The following PPM1H variants were observed in gnomAD, a reference collection of about 807,000 sequenced individuals.
PPM1H encodes protein phosphatase, Mg2+/Mn2+ dependent 1H.
Under a neutral mutation model 54.9 loss-of-function variants are expected in PPM1H, and 27 were observed. That is an observed-to-expected ratio of 0.49 (90% CI 0.36 to 0.68). The LOEUF is 0.68. Ranked by LOEUF, PPM1H falls within the 30% of genes least tolerant of loss-of-function variation. The pLI, the probability that PPM1H is intolerant of heterozygous loss-of-function variation, is 0.00. For missense variants in PPM1H, 596 were observed against 667.8 expected (o/e 0.89, Z 1.19); for synonymous variants, 305 against 270.8 (o/e 1.13, Z -1.24).
intron 4 of PPM1H, among the ~76,000 whole-genome samples, chr12:62,745,830 AATGC>A (rs10561717): frequency 0.68 from 103,071 of 151,572 alleles, 35,836 homozygotes; most frequent in African/African-American, 0.83. Flanking sequence ...TGAGGGATTA[AATGC>A]ATGCATGACT....
At chr12:62,847,030 C>T (rs1868997656) in intron 1 of PPM1H, among the ~76,000 whole-genome samples, 2 of 152,198 alleles carry the variant, frequency 1.3e-5, no homozygotes, top group Admixed American at 1.3e-4. Context: ...CCACCCTCCT[C>T]CGTCCCATTC....
chr12:62,811,097 C>T (rs2076832550), intron 2 of PPM1H, among the ~76,000 whole-genome samples: 1 of 152,062 alleles, frequency 6.6e-6, no homozygotes, highest in Non-Finnish European at 1.5e-5. Context: ...TGCAGCTAAC[C>T]ATGGGGTATG....
chr12:62,755,751 T>G (rs1262308681), intron 4 of PPM1H: 7 of 865,840 alleles, frequency 8.1e-6, no homozygotes, highest in African/African-American at 1.7e-5. Flanking sequence ...GACTCATGAA[T>G]GACCACAGTC....
At chr12:62,697,356 G>A (rs879324844) in intron 6 of PPM1H, among the ~76,000 whole-genome samples, 17 of 152,064 alleles carry the variant, frequency 1.1e-4, no homozygotes, top group Non-Finnish European at 2.2e-4. Context: ...GACCTCAGGT[G>A]ATCTGCCCAC....
chr12:62,670,170 A>T (rs1005623950), intron 8 of PPM1H, among the ~76,000 whole-genome samples: 6 of 151,146 alleles, frequency 4.0e-5, no homozygotes, highest in African/African-American at 1.5e-4. Flanking sequence ...AGAGACAGGG[A>T]TTCTCCATGC....
At chr12:62,743,688 G>A (rs529444806) in intron 4 of PPM1H, among the ~76,000 whole-genome samples, 2 of 151,428 alleles carry the variant, frequency 1.3e-5, no homozygotes, top group African/African-American at 4.9e-5. Context: ...ACTGACATGT[G>A]CCAACAGGTA....
rs148028838 is a variant in PPM1H, at chr12:62,848,043, G to A, written c.246-15764C>T. The stretch of plus-strand genomic sequence containing the variant: ...ATGGCTGAGAATAAATTTTAATAGC[G>A]GAACCAGAAGCATAAGAGAGGAAAT... On this transcript the variant is annotated intron_variant, in intron 1 of 9. Coordinates refer to ENST00000228705, the MANE Select transcript of PPM1H (RefSeq NM_020700.2). Among the ~76,000 whole-genome samples, 451 of 152,164 alleles carry A rather than the reference G, an allele frequency of 3.0e-3. 1 individual carries two copies. Among genetic ancestry groups the A allele is most frequent in the Non-Finnish European group, 4.5e-3 (308 of 67,998 alleles).
intron 8 of PPM1H, among the ~76,000 whole-genome samples, chr12:62,688,177 G>A (rs1217181782): frequency 6.6e-6 from 1 of 152,038 alleles, no homozygotes; most frequent in East Asian, 1.9e-4. Flanking sequence ...ACACAGTTCT[G>A]GCCAATGAGA....
rs1054075491 is a variant in PPM1H at position 62,646,866 on chromosome 12, G to A, written c.*1623C>T. On this transcript the variant is annotated 3_prime_UTR_variant, in exon 10 of 10. Coordinates refer to ENST00000228705, the MANE Select transcript of PPM1H (RefSeq NM_020700.2). ...GAAATGCAGGTGATTTACTGCCCTG[G>A]AGGAGAGGTTCCTATCCTCTCCTCT... The A allele has an allele frequency of 6.6e-6, 1 of 152,204 alleles. No homozygotes were observed. Among genetic ancestry groups the A allele is most frequent in the Non-Finnish European group, 1.5e-5 (1 of 68,036 alleles). 9.4% of individuals were successfully genotyped at this position (152,204 alleles called of 1,614,324 possible). A position where few individuals can be genotyped will look rare whatever the true frequency, so the allele number is the denominator to read the frequency against.
At chr12:62,698,233 C>G (rs1025262681) in intron 6 of PPM1H, among the ~76,000 whole-genome samples, 1 of 152,082 alleles carries the variant, frequency 6.6e-6, no homozygotes. Flanking sequence ...GGTTCCTGGC[C>G]TCTCCTGAAT....
At chr12:62,842,901 G>T (rs1435091396) in intron 1 of PPM1H, among the ~76,000 whole-genome samples, 1 of 152,196 alleles carries the variant, frequency 6.6e-6, no homozygotes, top group Non-Finnish European at 1.5e-5. Context: ...CCGCAAGTAG[G>T]TAACTGCACT....
intron 1 of PPM1H, among the ~76,000 whole-genome samples, chr12:62,907,176 C>T (rs963971093): frequency 7.2e-5 from 11 of 152,166 alleles, no homozygotes; most frequent in Non-Finnish European, 1.2e-4. Flanking sequence ...TCTTCCCACC[C>T]TCCATCTAAG....
intron 5 of PPM1H, among the ~76,000 whole-genome samples, chr12:62,721,619 GAATGAAGGGAACTAAC>G (rs1237006112): frequency 1.3e-5 from 2 of 152,186 alleles, no homozygotes; most frequent in African/African-American, 4.8e-5. Context: ...TCCTGGGAAG[GAATGAAGGGAACTAAC>G]ACTTAATAGG....
chr12:62,905,471 T>C (rs1436039216), intron 1 of PPM1H, among the ~76,000 whole-genome samples: 1 of 152,210 alleles, frequency 6.6e-6, no homozygotes, highest in East Asian at 1.9e-4. Flanking sequence ...GATTTCATGA[T>C]ATCCCACACA....
chr12:62,810,395 A>G (rs1408369579), intron 2 of PPM1H, among the ~76,000 whole-genome samples: 1 of 152,174 alleles, frequency 6.6e-6, no homozygotes, highest in South Asian at 2.1e-4. Flanking sequence ...ACGAAGAGAC[A>G]TTGCCATCTC....
At chr12:62,724,520 C>T (rs1297090361) in intron 5 of PPM1H, among the ~76,000 whole-genome samples, 1 of 152,164 alleles carries the variant, frequency 6.6e-6, no homozygotes, top group Non-Finnish European at 1.5e-5. Context: ...TTGATAACTG[C>T]AGGGGCCACC....
intron 1 of PPM1H, among the ~76,000 whole-genome samples, chr12:62,850,190 C>A (rs1328647018): frequency 1.3e-5 from 2 of 152,080 alleles, no homozygotes; most frequent in Non-Finnish European, 2.9e-5. Context: ...TGGTCTCAAA[C>A]TCCTGGGCTC....
intron 1 of PPM1H, among the ~76,000 whole-genome samples, chr12:62,900,902 CA>C (rs1871150100): frequency 6.6e-6 from 1 of 152,174 alleles, no homozygotes; most frequent in African/African-American, 2.4e-5. Flanking sequence ...ATGCCTTTCT[CA>C]ATGCCCCTAC....
intron 2 of PPM1H, among the ~76,000 whole-genome samples, chr12:62,806,418 A>G (rs1592609066): frequency 6.6e-6 from 1 of 152,216 alleles, no homozygotes; most frequent in Non-Finnish European, 1.5e-5. Context: ...GCTGAAAGAG[A>G]TATCAGACAT....
Sources: allele counts gnomAD v4.1 joint callset (sites outside exome capture counted in the v4.1 genomes callset), GRCh38; gene constraint gnomAD v4.1.1; transcripts MANE v1.5; gene names NCBI Gene and HGNC (gene_info 2026-07-23, HGNC 2026-07-21).